The following EXOSC7 variants were observed in gnomAD, a reference collection of about 807,000 sequenced individuals.
The protein encoded by EXOSC7 is exosome component 7, also known as exosome complex component RRP42.
EXOSC7 carries 25 observed loss-of-function variants against 34.3 expected under a neutral mutation model. That is an observed-to-expected ratio of 0.73 (90% confidence interval 0.53 to 1.02). The LOEUF (loss-of-function observed/expected upper bound fraction) is 1.02, where lower values mean the gene tolerates loss of function less well. Among genes scored for constraint, EXOSC7 ranks in the 50% least tolerant of loss-of-function variants. The probability of loss-of-function intolerance (pLI) is 0.00; values close to 1 mark genes in which losing one functional copy is unlikely to be tolerated. For missense variants in EXOSC7, 370 were observed against 368.5 expected (o/e 1.00, Z -0.03); for synonymous variants, 130 against 143.0 (o/e 0.91, Z 0.65).
chr3:44,996,008 TC>T (rs1212920812), intron 3 of EXOSC7, among the ~76,000 whole-genome samples: 1 of 152,144 alleles, frequency 6.6e-6, no homozygotes, highest in Non-Finnish European at 1.5e-5. Flanking sequence ...GTGCCCCTAC[TC>T]CCGCTTCTAC....
intron 4 of EXOSC7, 56 bp downstream of exon 4, chr3:44,997,308 G>A (rs1298238923): frequency 6.5e-7 from 1 of 1,530,850 alleles, no homozygotes; most frequent in African/African-American, 1.4e-5. Flanking sequence ...AAGACTAGTT[G>A]GCCTATTTTC....
At chr3:44,984,768 G>A (rs1036337893) in intron 1 of EXOSC7, among the ~76,000 whole-genome samples, 1 of 152,216 alleles carries the variant, frequency 6.6e-6, no homozygotes, top group Non-Finnish European at 1.5e-5. Flanking sequence ...ATTAACTGCA[G>A]TATTCCTTGC....
intron 7 of EXOSC7, among the ~76,000 whole-genome samples, chr3:45,007,880 T>A (rs1283747282): frequency 6.6e-6 from 1 of 152,204 alleles, no homozygotes; most frequent in Non-Finnish European, 1.5e-5. Context: ...AAAGAGCCAC[T>A]CGTAACTCCA....
chr3:44,991,795 C>T (rs1163777238), intron 3 of EXOSC7, among the ~76,000 whole-genome samples: 1 of 152,190 alleles, frequency 6.6e-6, no homozygotes, highest in Non-Finnish European at 1.5e-5. Context: ...TTTTCCTCCT[C>T]TGTGGGTCTC....
intron 4 of EXOSC7, among the ~76,000 whole-genome samples, chr3:44,999,469 C>T (rs1397780475): frequency 3.3e-5 from 5 of 152,106 alleles, no homozygotes; most frequent in Non-Finnish European, 5.9e-5. Context: ...CAGATGAATT[C>T]CCTGAGGTCA....
chr3:44,996,538 C>G (rs1301924995), intron 3 of EXOSC7, among the ~76,000 whole-genome samples: 1 of 152,218 alleles, frequency 6.6e-6, no homozygotes, highest in East Asian at 1.9e-4. Context: ...TCTAAAGTTT[C>G]TGACAAAGCT....
intron 1 of EXOSC7, among the ~76,000 whole-genome samples, chr3:44,982,686 G>T (rs1706302881): frequency 1.3e-5 from 2 of 152,190 alleles, no homozygotes; most frequent in Non-Finnish European, 2.9e-5. Flanking sequence ...TCAGTATTCG[G>T]TTGCTCAGTC....
intron 3 of EXOSC7, among the ~76,000 whole-genome samples, chr3:44,992,922 A>G (rs1706611812): frequency 6.6e-6 from 1 of 152,218 alleles, no homozygotes; most frequent in African/African-American, 2.4e-5. Flanking sequence ...AATACTCCGC[A>G]CTTGTCACTT....
chr3:45,012,385 C>T (rs2125976099), downstream of EXOSC7: 1 of 152,340 alleles, frequency 6.6e-6, no homozygotes, highest in Non-Finnish European at 1.5e-5. Context: ...GGGCGTTCCT[C>T]CCAGCAAGGC....
chr3:44,978,488 T>C lies in EXOSC7; in HGVS notation c.57+2154T>C, dbSNP rs556291272. 3.2e-3 allele frequency among the ~76,000 whole-genome samples: 491 copies of C among 152,332 alleles called. 3 individuals carry two copies. The highest frequency in any genetic ancestry group is 5.5e-3 in the Non-Finnish European group (371 of 68,026). On this transcript the variant is annotated intron_variant, in intron 1 of 7. Transcript: ENST00000265564. ...GGGGCTAGGAAGGAACCTGTCCTTA[T>C]ATAGCTCTCATGCTAGAAGGAAGAT...
At chr3:44,995,495 A>G (rs957030666) in intron 3 of EXOSC7, among the ~76,000 whole-genome samples, 4 of 152,236 alleles carry the variant, frequency 2.6e-5, no homozygotes, top group East Asian at 1.9e-4. Context: ...ATCTCTGTAG[A>G]TGTATTTTTA....
rs764904629 is a variant in EXOSC7, at chr3:45,007,432, C to G, written c.628C>G (p.His210Asp). ...CCTGCCTTTGCAGATTGGCTATCGG[C>G]ATGTGGTGGATGCTACTCTTCAGGA... ...IVTLCKIGYRHVVDATLQEEA... is the reference protein window; with the variant it reads ...IVTLCKIGYRDVVDATLQEEA... The change falls in exon 7 of 8, where the codon CAT becomes GAT. Residue 210 changes from histidine (H) to aspartate (D), a missense_variant. Physicochemically the swap from His to Asp is moderately conservative, Grantham distance 81. Coordinates refer to ENST00000265564, the MANE Select transcript of EXOSC7 (RefSeq NM_015004.4). The G allele has an allele frequency of 6.2e-7, 1 of 1,614,116 alleles. No individual in the cohort carries two copies. Among genetic ancestry groups the G allele is most frequent in the Non-Finnish European group, 8.5e-7 (1 of 1,180,026 alleles).
At chr3:45,003,867 A>G (rs1268515184) in intron 5 of EXOSC7, among the ~76,000 whole-genome samples, 1 of 152,216 alleles carries the variant, frequency 6.6e-6, no homozygotes, top group Non-Finnish European at 1.5e-5. Context: ...TGCCTCATTC[A>G]CTAAGCATTG....
intron 1 of EXOSC7, among the ~76,000 whole-genome samples, chr3:44,979,113 T>G (rs1706203028): frequency 6.6e-6 from 1 of 152,198 alleles, no homozygotes; most frequent in African/African-American, 2.4e-5. Context: ...AAGGGCTTAT[T>G]AATGTTGGCC....
At chr3:45,006,493 T>C (rs1337350844) in intron 6 of EXOSC7, among the ~76,000 whole-genome samples, 4 of 139,336 alleles carry the variant, frequency 2.9e-5, no homozygotes, top group Non-Finnish European at 3.1e-5. Context: ...CTCGGCTCAC[T>C]GTAAGCTCCG....
intron 1 of EXOSC7, among the ~76,000 whole-genome samples, chr3:44,984,368 C>T (rs562220873): frequency 1.3e-5 from 2 of 151,830 alleles, no homozygotes; most frequent in East Asian, 1.9e-4. Context: ...CCTAGCTACT[C>T]AGGAGGCTGA....
chr3:44,986,983 A>G (rs891567043), intron 1 of EXOSC7, among the ~76,000 whole-genome samples: 6 of 152,060 alleles, frequency 3.9e-5, no homozygotes, highest in African/African-American at 1.4e-4. Flanking sequence ...TGATTAAGCT[A>G]ATGATTCTTT....
intron 3 of EXOSC7, 36 bp downstream of exon 3, chr3:44,989,680 A>G: frequency 6.7e-7 from 1 of 1,485,904 alleles, no homozygotes; most frequent in Non-Finnish European, 9.3e-7. Flanking sequence ...CTAAAGATAA[A>G]TGATTTTAAA....
chr3:44,977,032 CT>C (rs971919903), intron 1 of EXOSC7: 2 of 151,730 alleles, frequency 1.3e-5, no homozygotes, highest in African/African-American at 4.9e-5. Context: ...TGAGCCGAGT[CT>C]CAAAAAAAAA....
Sources: allele counts gnomAD v4.1 joint callset (sites outside exome capture counted in the v4.1 genomes callset), GRCh38; gene constraint gnomAD v4.1.1; transcripts MANE v1.5; gene names NCBI Gene and HGNC (gene_info 2026-07-23, HGNC 2026-07-21).